The following ADPRHL1 variants were observed in gnomAD, a reference collection of about 807,000 sequenced individuals.
The protein encoded by ADPRHL1 is inactive ADP-ribosyltransferase ARH2.
A neutral mutation model predicts 44.1 loss-of-function variants in ADPRHL1; 43 were observed. The observed-to-expected ratio is 0.98, with a 90% CI of 0.76 to 1.26. ADPRHL1 has a LOEUF of 1.26. ADPRHL1 is among the 50% of genes most tolerant of loss of function. The pLI, the probability that ADPRHL1 is intolerant of heterozygous loss-of-function variation, is 0.00. For missense variants in ADPRHL1, 2,022 were observed against 2,496.9 expected (o/e 0.81, Z 4.05); for synonymous variants, 878 against 1,017.4 (o/e 0.86, Z 2.61).
chr13:113,413,541 C>T (rs1216044660), intron 7 of ADPRHL1, among the ~76,000 whole-genome samples: 2 of 152,228 alleles, frequency 1.3e-5, no homozygotes, highest in African/African-American at 2.4e-5. Context: ...GCCCTGTGAT[C>T]GGGGCCTTCA....
At chr13:113,450,955 C>T (rs1047867726) in intron 1 of ADPRHL1, among the ~76,000 whole-genome samples, 1 of 145,766 alleles carries the variant, frequency 6.9e-6, no homozygotes, top group Admixed American at 6.7e-5. Flanking sequence ...AAGGGAGACC[C>T]CCCCCCCCTT....
intron 3 of ADPRHL1, among the ~76,000 whole-genome samples, chr13:113,430,724 G>A (rs1188766331): frequency 6.8e-6 from 1 of 148,096 alleles, no homozygotes; most frequent in Non-Finnish European, 1.5e-5. Context: ...CTAGTGGCGG[G>A]GGTGGCAGTG....
At chr13:113,428,401 G>T (rs2043982126) in intron 4 of ADPRHL1, among the ~76,000 whole-genome samples, 1 of 152,224 alleles carries the variant, frequency 6.6e-6, no homozygotes, top group Non-Finnish European at 1.5e-5. Context: ...GCCAAAGGCT[G>T]CATGAAGCTG....
At chr13:113,444,038 T>A (rs898543665) in intron 2 of ADPRHL1, among the ~76,000 whole-genome samples, 1 of 152,126 alleles carries the variant, frequency 6.6e-6, no homozygotes, top group Non-Finnish European at 1.5e-5. Flanking sequence ...TTATAATATA[T>A]AGAGCTGACA....
Position 113,404,285 on chromosome 13 carries a change from C to A in ADPRHL1, c.4997G>T (p.Gly1666Val), listed in dbSNP as rs145639675. 2.2e-4 allele frequency: 283 copies of A among 1,315,764 alleles called. No homozygotes were observed. The highest frequency in any genetic ancestry group is 5.7e-4 in the Middle Eastern group (2 of 3,486). The allele number at this position is 1,315,764 out of a possible 1,614,324, so 81.5% of individuals were successfully genotyped here. A position where few individuals can be genotyped will look rare whatever the true frequency, so the allele number is the denominator to read the frequency against. Residue 1666 changes from glycine to valine, a missense_variant, in exon 8 of 8, where the codon GGT (glycine) becomes GTT (valine). Around this residue, in one of 8 missense-constraint regions of ADPRHL1, gnomAD observed 25 missense variants for 50.2 expected, o/e 0.50. Coordinates refer to ENST00000612156, the MANE Select transcript of ADPRHL1 (RefSeq NM_001394807.1). ...TTCCTGAGCCCCCTTCTGGGCCTGA[C>A]CCTGAGCCTCTATCTGGGTCTGCTC... ...AQEQTQIEAQ[G>V]QAQKGAQERA...
At chr13:113,447,393 T>C (rs543331760) in intron 1 of ADPRHL1, among the ~76,000 whole-genome samples, 113 of 151,774 alleles carry the variant, frequency 7.4e-4, no homozygotes, top group African/African-American at 2.5e-3. Flanking sequence ...GTGTTGTGTG[T>C]GCATGGCGTC....
intron 1 of ADPRHL1, among the ~76,000 whole-genome samples, chr13:113,448,132 C>T (rs1177799780): frequency 6.6e-6 from 1 of 152,104 alleles, no homozygotes; most frequent in East Asian, 1.9e-4. Flanking sequence ...GGTCTCTTTC[C>T]TTTGGGACAC....
intron 7 of ADPRHL1, among the ~76,000 whole-genome samples, chr13:113,417,521 G>A (rs574769029): frequency 1.1e-4 from 17 of 152,290 alleles, no homozygotes; most frequent in African/African-American, 3.4e-4. Context: ...CCCAGATCAG[G>A]CGCGGTCCCT....
chr13:113,406,456 T>C lies in ADPRHL1; in HGVS notation c.2826A>G (p.Thr942=), dbSNP rs2043809230. The part of the protein sequence containing the change: ...AVGADHSVPE[T]LLTQRLQTDP... ...CTGTCTGGAGTCTCTGTGTCAGAAG[T>C]GTCTCTGGGACACTGTGGTCGGCGC... Residue 942 remains threonine, a synonymous_variant, in exon 8 of 8, where the codon ACA becomes ACG. Coordinates refer to ENST00000612156, the MANE Select transcript of ADPRHL1 (RefSeq NM_001394807.1). 3 of 1,232,016 alleles carry C rather than the reference T, an allele frequency of 2.4e-6. No homozygotes were observed. Among genetic ancestry groups the C allele is most frequent in the Non-Finnish European group, 3.0e-6 (3 of 987,980 alleles). 76.3% of individuals were successfully genotyped at this position (1,232,016 alleles called of 1,614,324 possible).
chr13:113,436,244 G>A lies in ADPRHL1; in HGVS notation c.380-2377C>T, dbSNP rs373720137. 3.6e-5 allele frequency among the ~76,000 whole-genome samples: 5 copies of A among 140,524 alleles called. No individual in the cohort carries two copies. The East Asian group carries it at 1.1e-3, about 31-fold the overall frequency. The allele number at this position is 140,524 out of a possible 152,430, so 92.2% of individuals were successfully genotyped here. ...GTACCCCGGGACCCGGCACCCAGGT[G>A]TAGAGTGAACATAGGTGTACCCCAG... On this transcript the variant is annotated intron_variant, in intron 2 of 7. Coordinates refer to ENST00000612156, the MANE Select transcript of ADPRHL1 (RefSeq NM_001394807.1).
At chr13:113,443,870 G>A (rs1237955327) in intron 2 of ADPRHL1, among the ~76,000 whole-genome samples, 1 of 151,582 alleles carries the variant, frequency 6.6e-6, no homozygotes, top group African/African-American at 2.4e-5. Context: ...CTGAACCCGG[G>A]AGGCGGAGGT....
rs9604104 is a variant in ADPRHL1, at chr13:113,417,764, A to G, written c.1061+5062T>C. On this transcript the variant is annotated intron_variant, in intron 7 of 7. Coordinates refer to ENST00000612156, the MANE Select transcript of ADPRHL1 (RefSeq NM_001394807.1). Reference sequence around the variant, plus strand: ...TACACACCAGGGATTTTAACCAGGGAAGCTTCTGTGTGTTAACTGGAAATG... The same window carrying G: ...TACACACCAGGGATTTTAACCAGGGGAGCTTCTGTGTGTTAACTGGAAATG... 2.8e-3 allele frequency among the ~76,000 whole-genome samples: 430 copies of G among 151,628 alleles called. 1 individual carries two copies. The highest frequency in any genetic ancestry group is 0.021 in the Middle Eastern group (6 of 292).
intron 1 of ADPRHL1, among the ~76,000 whole-genome samples, chr13:113,451,665 G>A (rs1033201276): frequency 1.5e-4 from 23 of 152,144 alleles, no homozygotes; most frequent in African/African-American, 5.1e-4. Context: ...AAAATCAGCC[G>A]GGCGTGGTGG....
Position 113,425,261 on chromosome 13 carries a change from T to TG in ADPRHL1, c.647-83dup, listed in dbSNP as rs1467653052. 40 of 10,334 alleles carry TG rather than the reference T, an allele frequency of 3.9e-3. No individual in the cohort carries two copies. The South Asian group carries it at 0.042, about 11-fold the overall frequency. The allele number at this position is 10,334 out of a possible 1,614,324, so 0.6% of individuals were successfully genotyped here. On this transcript the variant is annotated intron_variant, in intron 4 of 7. Transcript: ENST00000612156. The stretch of plus-strand genomic sequence containing the variant: ...TGCAGGGAGTTGGGGGTGGGGAGGG[T>TG]GGGGGCGTGTGTGTGGCGGGGAAGT...
At chr13:113,417,830 C>A (rs1184480585) in intron 7 of ADPRHL1, among the ~76,000 whole-genome samples, 1 of 80,896 alleles carries the variant, frequency 1.2e-5, no homozygotes. Flanking sequence ...AGCTGCAGTG[C>A]CTGCACTGAG....
At chr13:113,444,837 A>T (rs543358780) in intron 1 of ADPRHL1, among the ~76,000 whole-genome samples, 2 of 151,940 alleles carry the variant, frequency 1.3e-5, no homozygotes, top group Non-Finnish European at 2.9e-5. Flanking sequence ...GTCGGCCAGG[A>T]TGGTCTCGAT....
chr13:113,451,663 C>T (rs568175717), intron 1 of ADPRHL1, among the ~76,000 whole-genome samples: 5 of 152,198 alleles, frequency 3.3e-5, no homozygotes, highest in Non-Finnish European at 5.9e-5. Flanking sequence ...CAAAAATCAG[C>T]CGGGCGTGGT....
intron 1 of ADPRHL1, among the ~76,000 whole-genome samples, chr13:113,451,749 A>C (rs1352185748): frequency 6.6e-6 from 1 of 152,170 alleles, no homozygotes; most frequent in Non-Finnish European, 1.5e-5. Flanking sequence ...TGGAGGTTGC[A>C]GTGAGCTGAG....
At chr13:113,411,187 T>C (rs558125864) in intron 7 of ADPRHL1, among the ~76,000 whole-genome samples, 19 of 152,292 alleles carry the variant, frequency 1.2e-4, no homozygotes, top group African/African-American at 4.3e-4. Flanking sequence ...AAAACAGAGC[T>C]GGAATTAAAC....
Sources: allele counts gnomAD v4.1 joint callset (sites outside exome capture counted in the v4.1 genomes callset), GRCh38; gene constraint gnomAD v4.1.1; regional missense constraint gnomAD v4.1.1; transcripts MANE v1.5; gene names NCBI Gene and HGNC (gene_info 2026-07-23, HGNC 2026-07-21).